SHCBP1L: variants seen among roughly 807,000 people sequenced by gnomAD.
SHCBP1L encodes the protein testicular spindle-associated protein SHCBP1L.
SHCBP1L carries 67 observed loss-of-function variants against 62.5 expected under a neutral mutation model. That is an observed-to-expected ratio of 1.07 (90% CI 0.88 to 1.31). The LOEUF (loss-of-function observed/expected upper bound fraction) is 1.31. Ranked by LOEUF, SHCBP1L falls within the 40% of genes most tolerant of loss-of-function variation. The pLI, the probability that SHCBP1L is intolerant of heterozygous loss-of-function variation, is 0.00. For synonymous variants in SHCBP1L, 284 were observed against 289.4 expected (o/e 0.98, Z 0.19); for missense variants, 823 against 809.8 (o/e 1.02, Z -0.20).
At chr1:182,902,953 G>T in intron 9 of SHCBP1L, 86 bp downstream of exon 9, 1 of 1,017,626 alleles carries the variant, frequency 9.8e-7, no homozygotes, top group South Asian at 2.5e-5. Flanking sequence ...TATGTAGACT[G>T]CCTTTTAAGA....
rs773204585 is a variant in SHCBP1L at position 182,900,176 on chromosome 1, T to C, written c.1769A>G (p.Tyr590Cys). ...CATTGGTTGAAGAATGCTTACTCCA[T>C]AGCCTTTGTTGCTATAAATATGATT... ...TNNHIYSNKG[Y>C]GVSILQPMEQ... The change falls in exon 10 of 10, where the codon TAT becomes TGT. Residue 590 changes from tyrosine (Y) to cysteine (C), a missense_variant. By Grantham distance (194) the Tyr-to-Cys change is radical. Transcript: ENST00000367547. 1.2e-6 allele frequency: 2 copies of C among 1,610,606 alleles called. No homozygotes were observed. The highest frequency in any genetic ancestry group is 1.7e-6 in the Non-Finnish European group (2 of 1,178,420).
At chr1:182,911,169 T>C (rs1033538211) in intron 6 of SHCBP1L, among the ~76,000 whole-genome samples, 4 of 152,122 alleles carry the variant, frequency 2.6e-5, no homozygotes, top group African/African-American at 9.7e-5. Flanking sequence ...GGATTACAGG[T>C]GTAAGCCACT....
At chr1:182,938,029 G>A (rs746386652) in intron 5 of SHCBP1L, among the ~76,000 whole-genome samples, 82 of 152,174 alleles carry the variant, frequency 5.4e-4, no homozygotes, top group Non-Finnish European at 1.1e-3. Context: ...TGTGTTTAAT[G>A]GGTACTATAG....
intron 7 of SHCBP1L, 142 bp from the exon 8 acceptor site, chr1:182,904,572 TGTGTGC>T: frequency 6.1e-6 from 5 of 817,220 alleles, no homozygotes; most frequent in South Asian, 3.7e-5. Flanking sequence ...TGTGTGTGTG[TGTGTGC>T]GCATGCGCAT....
Position 182,924,946 on chromosome 1 carries a change from G to GAAAGAA in SHCBP1L, c.1182+4695_1182+4700dup, listed in dbSNP as rs1650680188. 6.5e-5 allele frequency among the ~76,000 whole-genome samples: 7 copies of GAAAGAA among 108,192 alleles called. No homozygotes were observed. In the South Asian group the frequency reaches 2.2e-3, roughly 34 times the overall value. 71.0% of individuals were successfully genotyped at this position (108,192 alleles called of 152,430 possible). On this transcript the variant is annotated intron_variant, in intron 6 of 9. Coordinates refer to ENST00000367547, the MANE Select transcript of SHCBP1L (RefSeq NM_030933.4). ...AGGAAGGAAGGAAGGAAGAAAGAAAGAAAGAAAGAAAGAAAGAAAGAAAGA... is the reference window on the plus strand; with the variant it reads ...AGGAAGGAAGGAAGGAAGAAAGAAAGAAAGAAAAAGAAAGAAAGAAAGAAAGAAAGA...
chr1:182,909,745 C>T (rs544337286), intron 6 of SHCBP1L, among the ~76,000 whole-genome samples: 1 of 152,302 alleles, frequency 6.6e-6, no homozygotes, highest in South Asian at 2.1e-4. Flanking sequence ...GGACTAATCT[C>T]TGTCTATACT....
Position 182,905,566 on chromosome 1 carries a change from TG to T in SHCBP1L, c.1265del (p.Thr422LysfsTer2). 1 of 1,613,796 alleles carries T rather than the reference TG, an allele frequency of 6.2e-7. No homozygotes were observed. The highest frequency in any genetic ancestry group is 8.5e-7 in the Non-Finnish European group (1 of 1,179,816). ...LALDNCYSGD[T>X]VIIFPGEYQA... ...GATATTCTCCTGGAAAAATTATTAC[TG>T]TATCTCCACTATAACAATTATCCAA... On this transcript the variant is annotated frameshift_variant, in exon 7 of 10. Coordinates refer to ENST00000367547, the MANE Select transcript of SHCBP1L (RefSeq NM_030933.4). LOFTEE classifies it high-confidence loss of function.
At chr1:182,910,359 C>A (rs1336475131) in intron 6 of SHCBP1L, among the ~76,000 whole-genome samples, 1 of 152,180 alleles carries the variant, frequency 6.6e-6, no homozygotes, top group Non-Finnish European at 1.5e-5. Flanking sequence ...CCTGGTGTAG[C>A]TTGCTGGTGC....
intron 2 of SHCBP1L, among the ~76,000 whole-genome samples, chr1:182,947,882 G>T (rs1201653961): frequency 6.6e-6 from 1 of 152,044 alleles, no homozygotes. Context: ...TTGCTATGTT[G>T]CCCAGGTTAG....
rs1651403278 is a variant in SHCBP1L, at chr1:182,942,495, T to C, written c.556-1952A>G. 4.4e-5 allele frequency: 28 copies of C among 629,784 alleles called. No homozygotes were observed. The Admixed American group carries it at 7.2e-4, about 16-fold the overall frequency. The allele number at this position is 629,784 out of a possible 1,614,324, so 39.0% of individuals were successfully genotyped here. On this transcript the variant is annotated intron_variant, in intron 2 of 9. Coordinates refer to ENST00000367547, the MANE Select transcript of SHCBP1L (RefSeq NM_030933.4). The stretch of plus-strand genomic sequence containing the variant: ...TGGGCTGCCTGGCCGCTGCCACTCC[T>C]CCCGCCGCCCGAGCTACTGAGACCC...
chr1:182,937,764 A>G (rs1337411458), intron 5 of SHCBP1L, among the ~76,000 whole-genome samples: 1 of 151,934 alleles, frequency 6.6e-6, no homozygotes, highest in East Asian at 1.9e-4. Context: ...AAATCTTTAA[A>G]CTCATTATTA....
In SHCBP1L at chr1:182,925,082, A is replaced by G. The variant is rs537456530; in HGVS notation, c.1182+4565T>C. On this transcript the variant is annotated intron_variant, in intron 6 of 9. Transcript: ENST00000367547. ...GGAAGGGAAGGAAGGGAAGGAAAGG[A>G]AGGAAAGGAAGGAAAGAAGTGAAGA... Among the ~76,000 whole-genome samples, 31 of 151,058 alleles carry G rather than the reference A, an allele frequency of 2.1e-4. No individual in the cohort carries two copies. In the South Asian group the frequency reaches 3.4e-3, roughly 16 times the overall value.
At chr1:182,927,050 CTATATATATATATATATATATATA>C (rs58308065) in intron 6 of SHCBP1L, among the ~76,000 whole-genome samples, 7,394 of 90,268 alleles carry the variant, frequency 0.082, 540 homozygotes, top group Non-Finnish European at 0.12. Flanking sequence ...TTAACTAGCA[CTATATATATATATATATATATATA>C]TATATATATA....
chr1:182,942,321 G>A, intron 2 of SHCBP1L: 1 of 851,116 alleles, frequency 1.2e-6, no homozygotes. Context: ...GTTGCAGGAG[G>A]CTTAGCTGAC....
chr1:182,947,962 C>A (rs540669101), intron 2 of SHCBP1L, among the ~76,000 whole-genome samples: 1 of 152,332 alleles, frequency 6.6e-6, no homozygotes, highest in African/African-American at 2.4e-5. Context: ...CAAGCACAGA[C>A]CTCTGTGCCC....
chr1:182,952,235 T>TACACAC (rs68031715), intron 1 of SHCBP1L, among the ~76,000 whole-genome samples: 13 of 42,840 alleles, frequency 3.0e-4, no homozygotes, highest in Admixed American at 1.2e-3. Flanking sequence ...TATATATATA[T>TACACAC]ACACACACAC....
At chr1:182,941,556 A>G (rs1651366114) in intron 2 of SHCBP1L, among the ~76,000 whole-genome samples, 1 of 152,202 alleles carries the variant, frequency 6.6e-6, no homozygotes, top group Non-Finnish European at 1.5e-5. Flanking sequence ...CACCTACACT[A>G]CATATTCAAA....
At chr1:182,929,910 G>A (rs1220881713) in intron 5 of SHCBP1L, among the ~76,000 whole-genome samples, 158 bp from the exon 6 acceptor site, 1 of 152,180 alleles carries the variant, frequency 6.6e-6, no homozygotes, top group Non-Finnish European at 1.5e-5. Context: ...GCAATGTAAT[G>A]ATTCAGATCT....
chr1:182,949,145 A>G (rs1651665529), intron 2 of SHCBP1L, among the ~76,000 whole-genome samples: 2 of 152,160 alleles, frequency 1.3e-5, no homozygotes, highest in Non-Finnish European at 2.9e-5. Flanking sequence ...GAAAAGTTTT[A>G]TGGAGTATAG....
Sources: gnomAD v4.1 joint callset for allele counts (sites outside exome capture counted in the v4.1 genomes callset) on GRCh38, gnomAD v4.1.1 for gene constraint, MANE v1.5 for transcripts, NCBI Gene and HGNC (gene_info 2026-07-23, HGNC 2026-07-21) for gene names.